Variants in KLK3 observed in about 807,000 individuals in gnomAD.
KLK3 encodes prostate-specific antigen.
A neutral mutation model predicts 27.7 loss-of-function variants in KLK3; 23 were observed. That is an observed-to-expected ratio of 0.83 (90% confidence interval 0.60 to 1.17). The LOEUF is 1.17. Ranked by LOEUF, KLK3 falls within the 50% of genes most tolerant of loss-of-function variation. The probability of loss-of-function intolerance (pLI) is 0.00; values close to 1 mark genes in which losing one functional copy is unlikely to be tolerated. For missense variants in KLK3, 322 were observed against 338.1 expected, an observed-to-expected ratio of 0.95 and a Z score of 0.37; for synonymous variants, 142 against 134.2, an observed-to-expected ratio of 1.06 and a Z score of -0.40.
chr19:50,858,830 G>A (rs1599994806), intron 4 of KLK3: 1 of 604,072 alleles, frequency 1.7e-6, no homozygotes, highest in Non-Finnish European at 2.9e-6. Context: ...CGGTTACTAG[G>A]CACCTGCTAT....
chr19:50,855,013 C>T lies in KLK3; in HGVS notation c.46+12C>T. ...CGTGACGTGGATTGGTGAGAGGGGC[C>T]ATGGTTGGGGGGATGCAGGAGAGGG... is the stretch of plus-strand genomic sequence containing the variant. On this transcript the variant is annotated intron_variant, in intron 1 of 4. Transcript: ENST00000326003. 6.2e-7 allele frequency: 1 copy of T among 1,613,604 alleles called. No individual in the cohort carries two copies.
intron 1 of KLK3, 194 bp from the exon 2 acceptor site, chr19:50,856,046 C>T (rs2123456751): frequency 1.7e-6 from 1 of 579,930 alleles, no homozygotes; most frequent in East Asian, 3.0e-5. Context: ...CACCAGCCAC[C>T]AACCTGCAAA....
In KLK3 at chr19:50,858,180, G is replaced by A. The variant is rs766084011; in HGVS notation, c.358G>A (p.Asp120Asn). The change falls in exon 3 of 5, where the codon GAC (aspartate) becomes AAC (asparagine). Residue 120 changes from aspartate to asparagine, a missense_variant. Transcript: ENST00000326003. ...CAGGCCAGGTGATGACTCCAGCCAC[G>A]ACCTCATGCTGCTCCGCCTGTCAGA... ...FLRPGDDSSH[D>N]LMLLRLSEPA... 51 of 1,614,040 alleles carry A rather than the reference G, an allele frequency of 3.2e-5. No individual in the cohort carries two copies. Among genetic ancestry groups the A allele is most frequent in the Non-Finnish European group, 4.0e-5 (47 of 1,180,038 alleles).
chr19:50,855,323 C>G (rs1356401341), intron 1 of KLK3: 1 of 424,322 alleles, frequency 2.4e-6, no homozygotes, highest in Non-Finnish European at 4.3e-6. Flanking sequence ...TCAAAACCTC[C>G]AAGGACCTCT....
chr19:50,856,840 T>C (rs1061477), intron 2 of KLK3: 66,530 of 159,114 alleles, frequency 0.42, 15,160 homozygotes, highest in East Asian at 0.5. Context: ...AGCACACGCA[T>C]GGGATGGGCC....
At chr19:50,857,868 C>T (rs1158072922) in intron 2 of KLK3, 161 bp from the exon 3 acceptor site, 5 of 677,570 alleles carry the variant, frequency 7.4e-6, no homozygotes, top group African/African-American at 5.4e-5. Flanking sequence ...TGCTGTTTCC[C>T]AACTCGTTGT....
At chr19:50,859,882 G>A in intron 4 of KLK3, 90 bp from the exon 5 acceptor site, 1 of 1,524,300 alleles carries the variant, frequency 6.6e-7, no homozygotes. Flanking sequence ...ACTGCTATCT[G>A]TTATCTGCCT....
At position 50,854,994 on chromosome 19, in the gene KLK3, G is replaced by C; in HGVS notation, c.39G>C (p.Thr13=). The C allele has an allele frequency of 6.2e-7, 1 of 1,613,846 alleles. No homozygotes were observed. ...TTGTCTTCCTCACCCTGTCCGTGAC[G>C]TGGATTGGTGAGAGGGGCCATGGTT... is the stretch of plus-strand genomic sequence containing the variant. ...VPVVFLTLSV[T]WIGAAPLILS... is the part of the protein sequence containing the mutation. Residue 13 remains threonine, a synonymous_variant, in exon 1 of 5, where the codon ACG becomes ACC. Transcript: ENST00000326003.
At chr19:50,859,130 C>G (rs1463342749) in intron 4 of KLK3, among the ~76,000 whole-genome samples, 2 of 151,888 alleles carry the variant, frequency 1.3e-5, no homozygotes, top group Non-Finnish European at 2.9e-5. Flanking sequence ...TCTGGCCAGG[C>G]CTGGGAGGAG....
chr19:50,856,558 A>C (rs886687300), intron 2 of KLK3, 159 bp downstream of exon 2: 1 of 778,666 alleles, frequency 1.3e-6, no homozygotes, highest in Non-Finnish European at 2.0e-6. Flanking sequence ...TTGGGGCTGG[A>C]CCACCCTCCC....
chr19:50,855,125 TC>T, intron 1 of KLK3, 124 bp downstream of exon 1: 1 of 953,122 alleles, frequency 1.0e-6, no homozygotes, highest in Non-Finnish European at 1.6e-6. Flanking sequence ...TTTCTGTCTC[TC>T]CCAGCCCCAC....
chr19:50,859,069 C>T (rs79435423), intron 4 of KLK3: 13,039 of 207,688 alleles, frequency 0.063, 467 homozygotes, highest in South Asian at 0.12. Context: ...AAACACCTGC[C>T]GCAGGGGAGG....
In KLK3 at chr19:50,857,911, A is replaced by G. The variant is rs1442967004; in HGVS notation, c.207-118A>G. On this transcript the variant is annotated intron_variant, in intron 2 of 4. Coordinates refer to ENST00000326003, the MANE Select transcript of KLK3 (RefSeq NM_001648.2). ...TTTGGCCTGAACTGTGTCTTCCCCAACCCTGTGTTTTTCTCACTGTTTCTT... is the reference window on the plus strand; with the variant it reads ...TTTGGCCTGAACTGTGTCTTCCCCAGCCCTGTGTTTTTCTCACTGTTTCTT... 12 of 1,139,414 alleles carry G rather than the reference A, an allele frequency of 1.1e-5. No homozygotes were observed. The Admixed American group carries it at 2.9e-4, about 28-fold the overall frequency. 70.6% of individuals were successfully genotyped at this position (1,139,414 alleles called of 1,614,324 possible).
intron 2 of KLK3, among the ~76,000 whole-genome samples, chr19:50,857,118 G>A (rs1316482954): frequency 3.7e-5 from 5 of 134,444 alleles, no homozygotes; most frequent in Admixed American, 8.7e-5. Context: ...AGCCGAGACC[G>A]TGCCACTGCA....
At chr19:50,856,915 C>G (rs1192932029) in intron 2 of KLK3, among the ~76,000 whole-genome samples, 1 of 152,012 alleles carries the variant, frequency 6.6e-6, no homozygotes, top group African/African-American at 2.4e-5. Flanking sequence ...GTAATCCCAG[C>G]ACTTTGGGAG....
chr19:50,857,123 A>G (rs1286711994), intron 2 of KLK3, among the ~76,000 whole-genome samples: 2 of 138,904 alleles, frequency 1.4e-5, no homozygotes, highest in South Asian at 4.7e-4. Context: ...AGACCGTGCC[A>G]CTGCACTCCA....
intron 4 of KLK3, chr19:50,859,681 C>T: frequency 6.3e-7 from 1 of 1,595,328 alleles, no homozygotes; most frequent in Non-Finnish European, 8.6e-7. Flanking sequence ...TGCAGATGGT[C>T]CTGGCCCTTG....
intron 4 of KLK3, 82 bp downstream of exon 4, chr19:50,858,677 A>G: frequency 6.5e-7 from 1 of 1,533,420 alleles, no homozygotes; most frequent in Middle Eastern, 1.7e-4. Context: ...GAAGCCAACA[A>G]GGCGTCTGCC....
Position 50,856,589 on chromosome 19 carries a change from T to C in KLK3, c.206+190T>C, listed in dbSNP as rs1242604626. ...CTCCCCATGGCTGCCTGGGTCTCCA[T>C]CTGTGTTCCTCTATGTCTCTTTGTG... On this transcript the variant is annotated intron_variant, in intron 2 of 4. Transcript: ENST00000326003. 1.5e-5 allele frequency: 9 copies of C among 587,860 alleles called. No homozygotes were observed. In the East Asian group the frequency reaches 2.4e-4, roughly 16 times the overall value. The allele number at this position is 587,860 out of a possible 1,614,324, so 36.4% of individuals were successfully genotyped here.
Sources: gnomAD v4.1 joint callset for allele counts (sites outside exome capture counted in the v4.1 genomes callset) on GRCh38, gnomAD v4.1.1 for gene constraint, MANE v1.5 for transcripts, NCBI Gene and HGNC (gene_info 2026-07-23, HGNC 2026-07-21) for gene names.